Variants in SLC26A4 observed in about 807,000 individuals in gnomAD.
The protein encoded by SLC26A4 is pendrin.
In SLC26A4, 93 loss-of-function variants were observed where a neutral mutation model predicts 90.4. The observed-to-expected ratio is 1.03, with a 90% confidence interval of 0.87 to 1.22. SLC26A4 has a LOEUF of 1.22. SLC26A4 is among the 50% of genes most tolerant of loss of function. The pLI is 0.00. For missense variants in SLC26A4, 1,127 were observed against 946.2 expected, an observed-to-expected ratio of 1.19 and a Z score of -2.51; for synonymous variants, 393 against 354.6, an observed-to-expected ratio of 1.11 and a Z score of -1.22.
At chr7:107,677,657 G>A (rs1279621955) in intron 6 of SLC26A4, among the ~76,000 whole-genome samples, 1 of 150,804 alleles carries the variant, frequency 6.6e-6, no homozygotes, top group African/African-American at 2.4e-5. Context: ...CTGGGCTGGA[G>A]TACAGTAGCA....
At chr7:107,709,522 C>T (rs1222104736) in intron 18 of SLC26A4, among the ~76,000 whole-genome samples, 4 of 152,136 alleles carry the variant, frequency 2.6e-5, no homozygotes, top group African/African-American at 9.7e-5. Context: ...CTCGGCCTCT[C>T]AAAGTGCTGG....
In SLC26A4 at chr7:107,690,134, C is replaced by A. The variant is rs777333979; in HGVS notation, c.1160C>A (p.Ala387Asp). 4 of 1,601,350 alleles carry A rather than the reference C, an allele frequency of 2.5e-6. No homozygotes were observed. In the Admixed American group the frequency reaches 6.7e-5, roughly 27 times the overall value. The change falls in exon 10 of 21, where the codon GCC becomes GAC. Residue 387 changes from alanine (A) to aspartate (D), a missense_variant. Physicochemically the swap from Ala to Asp is moderately radical, Grantham distance 126 (BLOSUM62 -2). Coordinates refer to ENST00000644269, the MANE Select transcript of SLC26A4 (RefSeq NM_000441.2). ...YTIDGNQEFI[A>D]FGISNIFSGF... ...CAGTCTCTTCCTTAGGAATTCATTG[C>A]CTTTGGGATCAGCAACATCTTCTCA...
intron 10 of SLC26A4, 104 bp from the exon 11 acceptor site, chr7:107,694,299 A>T (rs1791670998): frequency 1.2e-6 from 1 of 830,446 alleles, no homozygotes; most frequent in Admixed American, 1.9e-5. Flanking sequence ...ACAGGGAAGT[A>T]TGAAGTGTGT....
At chr7:107,702,158 A>G (rs1484732360) in intron 17 of SLC26A4, 101 bp downstream of exon 17, 1 of 786,462 alleles carries the variant, frequency 1.3e-6, no homozygotes, top group East Asian at 2.6e-5. Context: ...TGGGCTTTGT[A>G]ATTTTTCTAG....
chr7:107,711,503 G>A, intron 19 of SLC26A4, among the ~76,000 whole-genome samples: 1 of 152,114 alleles, frequency 6.6e-6, no homozygotes, highest in African/African-American at 2.4e-5. Context: ...GATTTTTTTG[G>A]ACCTTAAACA....
In SLC26A4 at chr7:107,715,822, A is replaced by G. The variant is rs540093295; in HGVS notation, c.*376A>G. The G allele has an allele frequency of 3.2e-3, 853 of 263,472 alleles. 12 individuals carry two copies. The highest frequency in any genetic ancestry group is 0.018 in the African/African-American group (815 of 46,478). 16.3% of individuals were successfully genotyped at this position (263,472 alleles called of 1,614,324 possible). A position where few individuals can be genotyped will look rare whatever the true frequency, so the allele number is the denominator to read the frequency against. ...GAATGATTAATCATAAAGAAAAATC[A>G]GTTTTTGACTGACCTGGATATCCAT... On this transcript the variant is annotated 3_prime_UTR_variant, in exon 21 of 21. Coordinates refer to ENST00000644269, the MANE Select transcript of SLC26A4 (RefSeq NM_000441.2).
Position 107,701,199 on chromosome 7 carries a change from G to A in SLC26A4, c.1803+3G>A, listed in dbSNP as rs1185801238. Reference sequence around the variant, plus strand: ...GTGGACAATTAAGAGCAACAAAGGTGAGATGACATCTTTCTTTTCCCCCTT... The same window carrying A: ...GTGGACAATTAAGAGCAACAAAGGTAAGATGACATCTTTCTTTTCCCCCTT... On this transcript the variant is annotated splice_donor_region_variant and intron_variant, in intron 16 of 20. Coordinates refer to ENST00000644269, the MANE Select transcript of SLC26A4 (RefSeq NM_000441.2). The A allele has an allele frequency of 6.4e-7, 1 of 1,560,368 alleles. No individual in the cohort carries two copies. The highest frequency in any genetic ancestry group is 8.8e-7 in the Non-Finnish European group (1 of 1,131,252).
In SLC26A4 at chr7:107,715,623, G is replaced by A. The variant is rs1792327363; in HGVS notation, c.*177G>A. ...AATAAACACCTTATCCCTAACATGG[G>A]CAAAATGGCTAGAATTATTCAGACG... On this transcript the variant is annotated 3_prime_UTR_variant, in exon 21 of 21. Coordinates refer to ENST00000644269, the MANE Select transcript of SLC26A4 (RefSeq NM_000441.2). 3.1e-6 allele frequency: 2 copies of A among 647,780 alleles called. No individual in the cohort carries two copies. Among genetic ancestry groups the A allele is most frequent in the South Asian group, 1.8e-5 (1 of 56,454 alleles). The allele number at this position is 647,780 out of a possible 1,614,324, so 40.1% of individuals were successfully genotyped here.
chr7:107,691,108 T>TACACACACACACACACACACAC (rs113420862), intron 10 of SLC26A4, among the ~76,000 whole-genome samples: 1 of 141,418 alleles, frequency 7.1e-6, no homozygotes, highest in Non-Finnish European at 1.5e-5. Flanking sequence ...CATAGTGCAA[T>TACACACACACACACACACACAC]ACACACACAC....
In SLC26A4 at chr7:107,692,066, C is replaced by G. The variant is rs369127398; in HGVS notation, c.1263+1829C>G. On this transcript the variant is annotated intron_variant, in intron 10 of 20. Transcript: ENST00000644269. ...CCTCCAGGCTCAAATGAGGCATGGG[C>G]TGGCTGTCCCAGTAAGTATGCCCAT... The G allele has an allele frequency of 1.5e-4, 196 of 1,289,218 alleles. No homozygotes were observed. The African/African-American group carries it at 2.7e-3, about 18-fold the overall frequency. 79.9% of individuals were successfully genotyped at this position (1,289,218 alleles called of 1,614,324 possible).
chr7:107,661,224 A>G lies in SLC26A4; in HGVS notation c.-4+369A>G. 1 of 223,028 alleles carries G rather than the reference A, an allele frequency of 4.5e-6. No individual in the cohort carries two copies. Among genetic ancestry groups the G allele is most frequent in the Non-Finnish European group, 9.0e-6 (1 of 111,724 alleles). 13.8% of individuals were successfully genotyped at this position (223,028 alleles called of 1,614,324 possible). ...CCGGGTCAGGTGCGGGGAGGGAGGGAATCTCAGTGTCCCCTTCCAGCCTTG... is the reference window on the plus strand; with the variant it reads ...CCGGGTCAGGTGCGGGGAGGGAGGGGATCTCAGTGTCCCCTTCCAGCCTTG... On this transcript the variant is annotated intron_variant, in intron 1 of 20. Coordinates refer to ENST00000644269, the MANE Select transcript of SLC26A4 (RefSeq NM_000441.2). The surrounding 1 kb of genome is among the most constrained non-coding windows in gnomAD (Gnocchi z 5.1).
intron 14 of SLC26A4, among the ~76,000 whole-genome samples, chr7:107,698,800 A>G (rs559298319): frequency 6.6e-6 from 1 of 152,338 alleles, no homozygotes; most frequent in East Asian, 1.9e-4. Context: ...ATTATTTGAC[A>G]CTTTGCTTTA....
intron 8 of SLC26A4, 131 bp from the exon 9 acceptor site, chr7:107,688,922 G>A: frequency 1.1e-6 from 1 of 898,142 alleles, no homozygotes. Context: ...TGTATTTCGT[G>A]TGCTTTTTGT....
rs1194210245 is a variant in SLC26A4 at position 107,690,139 on chromosome 7, G to T, written c.1165G>T (p.Gly389Trp). The change falls in exon 10 of 21, where the codon GGG (glycine) becomes TGG (tryptophan). Residue 389 changes from glycine to tryptophan, a missense_variant. By Grantham distance (184) the Gly-to-Trp change is radical (BLOSUM62 -2). Transcript: ENST00000644269. ...IDGNQEFIAF[G>W]ISNIFSGFFS... ...TCTTCCTTAGGAATTCATTGCCTTT[G>T]GGATCAGCAACATCTTCTCAGGATT... The T allele has an allele frequency of 1.9e-6, 3 of 1,607,042 alleles. No individual in the cohort carries two copies. The highest frequency in any genetic ancestry group is 2.6e-6 in the Non-Finnish European group (3 of 1,173,580).
chr7:107,704,749 T>G (rs1344550694), intron 18 of SLC26A4, among the ~76,000 whole-genome samples: 1 of 152,230 alleles, frequency 6.6e-6, no homozygotes, highest in Admixed American at 6.5e-5. Flanking sequence ...CTTTTTTGTA[T>G]GAGGATTATT....
intron 13 of SLC26A4, among the ~76,000 whole-genome samples, chr7:107,697,316 G>T (rs896621384): frequency 1.3e-5 from 2 of 152,172 alleles, no homozygotes; most frequent in Non-Finnish European, 2.9e-5. Context: ...CTGCTAGTTT[G>T]GTATCTAGGC....
chr7:107,678,750 AAT>A (rs1791092945), intron 6 of SLC26A4, among the ~76,000 whole-genome samples: 1 of 150,122 alleles, frequency 6.7e-6, no homozygotes, highest in South Asian at 2.1e-4. Context: ...AAAAAAAAAA[AAT>A]CAGCAGGTCT....
intron 3 of SLC26A4, among the ~76,000 whole-genome samples, chr7:107,665,400 C>T (rs1007917854): frequency 2.0e-5 from 3 of 152,068 alleles, no homozygotes; most frequent in Non-Finnish European, 4.4e-5. Flanking sequence ...CTAGGATGGG[C>T]TGTGTGGTTC....
intron 8 of SLC26A4, 100 bp from the exon 9 acceptor site, chr7:107,688,953 C>T: frequency 8.1e-7 from 1 of 1,228,558 alleles, no homozygotes; most frequent in Non-Finnish European, 1.2e-6. Flanking sequence ...CAAGTACTTT[C>T]ATGTCTAATA....
Sources: gnomAD v4.1 joint callset for allele counts (sites outside exome capture counted in the v4.1 genomes callset) on GRCh38, gnomAD v4.1.1 for gene constraint, Gnocchi (gnomAD v3.1) non-coding constraint, MANE v1.5 for transcripts, NCBI Gene and HGNC (gene_info 2026-07-23, HGNC 2026-07-21) for gene names.